Variants in KCNIP1 observed in about 807,000 individuals in gnomAD.
The protein encoded by KCNIP1 is A-type potassium channel modulatory protein KCNIP1.
In KCNIP1, 18 loss-of-function variants were observed where a neutral mutation model predicts 33.0. That is an observed-to-expected ratio of 0.55 (90% CI 0.38 to 0.81). The LOEUF is 0.81. Among genes scored for constraint, KCNIP1 ranks in the 30% least tolerant of loss-of-function variants. The pLI, the probability that KCNIP1 is intolerant of heterozygous loss-of-function variation, is 0.00. For synonymous variants in KCNIP1, 93 were observed against 98.3 expected, an observed-to-expected ratio of 0.95 and a Z score of 0.32; for missense variants, 238 against 271.6, an observed-to-expected ratio of 0.88 and a Z score of 0.87.
At chr5:170,628,356 A>C (rs1270611096) in intron 1 of KCNIP1, among the ~76,000 whole-genome samples, 1 of 152,026 alleles carries the variant, frequency 6.6e-6, no homozygotes, top group Non-Finnish European at 1.5e-5. Context: ...AACAGCCCAC[A>C]CTCACAGTGA....
At chr5:170,426,216 T>C (rs554202841) in intron 1 of KCNIP1, among the ~76,000 whole-genome samples, 74 of 150,140 alleles carry the variant, frequency 4.9e-4, no homozygotes, top group African/African-American at 1.8e-3. Flanking sequence ...CTTGGGAAAA[T>C]GTTTGCTAAT....
intron 1 of KCNIP1, among the ~76,000 whole-genome samples, chr5:170,480,740 G>A (rs576780584): frequency 2.0e-5 from 3 of 152,022 alleles, no homozygotes; most frequent in Non-Finnish European, 4.4e-5. Context: ...CACTGCACCC[G>A]GCCAAGACGA....
chr5:170,484,133 A>C (rs973933463), intron 1 of KCNIP1: 1 of 152,420 alleles, frequency 6.6e-6, no homozygotes, highest in African/African-American at 2.4e-5. Context: ...CCCGACCCCC[A>C]CAGGATAGAA....
At chr5:170,636,646 T>A (rs1216867452) in intron 1 of KCNIP1, among the ~76,000 whole-genome samples, 1 of 152,096 alleles carries the variant, frequency 6.6e-6, no homozygotes, top group Non-Finnish European at 1.5e-5. Context: ...AGGAGAGGGA[T>A]GGACCCAAGA....
chr5:170,632,536 G>C (rs778126787), intron 1 of KCNIP1, among the ~76,000 whole-genome samples: 43 of 152,236 alleles, frequency 2.8e-4, no homozygotes, highest in Non-Finnish European at 4.6e-4. Flanking sequence ...CGGCTCTGCT[G>C]CGTGGCCCTG....
intron 1 of KCNIP1, among the ~76,000 whole-genome samples, chr5:170,644,566 C>T (rs1194312861): frequency 6.6e-6 from 1 of 152,176 alleles, no homozygotes; most frequent in African/African-American, 2.4e-5. Flanking sequence ...ACCAAGTAAG[C>T]TCAAGACAAA....
intron 1 of KCNIP1, among the ~76,000 whole-genome samples, chr5:170,681,764 C>A (rs1009019489): frequency 1.3e-5 from 2 of 152,172 alleles, no homozygotes; most frequent in African/African-American, 4.8e-5. Context: ...GTTATAAATC[C>A]AGGTTAACCC....
chr5:170,414,314 T>G (rs183462376), intron 1 of KCNIP1, among the ~76,000 whole-genome samples: 202 of 152,346 alleles, frequency 1.3e-3, no homozygotes, highest in African/African-American at 4.4e-3. Context: ...TTACATATTT[T>G]AAGGTCAGCC....
intron 1 of KCNIP1, among the ~76,000 whole-genome samples, chr5:170,482,420 T>C (rs566925820): frequency 7.2e-5 from 11 of 152,326 alleles, no homozygotes; most frequent in Non-Finnish European, 1.3e-4. Context: ...CCAGGCACAG[T>C]ACGGGGCCTT....
At position 170,479,641 on chromosome 5, in the gene KCNIP1, G is replaced by T. The variant is rs11949984; in HGVS notation, c.88+125677G>T. On this transcript the variant is annotated intron_variant, in intron 1 of 7. Transcript: ENST00000377360. ...AAGGAAAAATGTATCTGTCCCTTCT[G>T]CTTTTACTACAGTTCCATAAGGGTA... Among the ~76,000 whole-genome samples, 1,389 of 152,168 alleles carry T rather than the reference G, an allele frequency of 9.1e-3. 25 individuals carry two copies. The highest frequency in any genetic ancestry group is 0.031 in the African/African-American group (1,293 of 41,462).
At chr5:170,711,205 T>C (rs1052361567) in intron 1 of KCNIP1, among the ~76,000 whole-genome samples, 2 of 152,202 alleles carry the variant, frequency 1.3e-5, no homozygotes, top group Non-Finnish European at 2.9e-5. Context: ...TCTCAGTTCC[T>C]ACCACTCTCT....
rs112076641 is a variant in KCNIP1 at position 170,677,839 on chromosome 5, G to A, written c.62-40919G>A. Among the ~76,000 whole-genome samples the A allele has an allele frequency of 8.4e-3, 1,282 of 152,122 alleles. 22 individuals are homozygous for A. Among genetic ancestry groups the A allele is most frequent in the East Asian group, 0.074 (384 of 5,180 alleles). ...AATGGACCTAAGGGGAAAAAAAAATGCCTGTCAGTATTGATAAGGAATTGA... is the reference window on the plus strand; with the variant it reads ...AATGGACCTAAGGGGAAAAAAAAATACCTGTCAGTATTGATAAGGAATTGA... On this transcript the variant is annotated intron_variant, in intron 1 of 7. Coordinates refer to ENST00000328939, the MANE Select transcript of KCNIP1 (RefSeq NM_014592.4).
At chr5:170,581,004 C>T (rs941359905) in intron 1 of KCNIP1, among the ~76,000 whole-genome samples, 1 of 152,166 alleles carries the variant, frequency 6.6e-6, no homozygotes, top group African/African-American at 2.4e-5. Context: ...GCACTTCTGA[C>T]CCCAAGTATA....
chr5:170,450,680 C>T (rs1413635431), intron 1 of KCNIP1, among the ~76,000 whole-genome samples: 1 of 152,146 alleles, frequency 6.6e-6, no homozygotes, highest in Admixed American at 6.5e-5. Flanking sequence ...CCCAGTTGCT[C>T]CGACCACCTC....
chr5:170,713,452 C>G (rs1763529228), intron 1 of KCNIP1, among the ~76,000 whole-genome samples: 1 of 152,104 alleles, frequency 6.6e-6, no homozygotes, highest in African/African-American at 2.4e-5. Flanking sequence ...TTCTGTGAGC[C>G]AGGGGTGAAC....
intron 1 of KCNIP1, among the ~76,000 whole-genome samples, chr5:170,442,305 G>C (rs557292108): frequency 2.0e-5 from 3 of 152,140 alleles, no homozygotes; most frequent in Non-Finnish European, 4.4e-5. Flanking sequence ...AGAGGTCATC[G>C]GGGCCAGATC....
In KCNIP1 at chr5:170,504,685, C is replaced by A; in HGVS notation, c.61+52C>A. ...CCTGTCTGGGCTTGGGGGTGCTAGG[C>A]GCCGAGGTGGGCTGTGCCACCTGCC... is the stretch of plus-strand genomic sequence containing the variant. On this transcript the variant is annotated intron_variant, in intron 1 of 7. Coordinates refer to ENST00000328939, the MANE Select transcript of KCNIP1 (RefSeq NM_014592.4). The surrounding 1 kb of genome is among the most constrained non-coding windows in gnomAD (Gnocchi z 6.0). 3 of 1,511,210 alleles carry A rather than the reference C, an allele frequency of 2.0e-6. No individual in the cohort carries two copies. Among genetic ancestry groups the A allele is most frequent in the Middle Eastern group, 3.4e-4 (2 of 5,864 alleles). The allele number at this position is 1,511,210 out of a possible 1,614,324, so 93.6% of individuals were successfully genotyped here.
chr5:170,390,661 A>G (rs557282433), intron 1 of KCNIP1, among the ~76,000 whole-genome samples: 1 of 151,758 alleles, frequency 6.6e-6, no homozygotes, highest in East Asian at 1.9e-4. Flanking sequence ...CCTGAAACTG[A>G]GACTTGGAGG....
chr5:170,673,561 C>T (rs1762005228), intron 1 of KCNIP1, among the ~76,000 whole-genome samples: 1 of 152,218 alleles, frequency 6.6e-6, no homozygotes, highest in South Asian at 2.1e-4. Context: ...AGTATCTGTT[C>T]TAGCTGGTTT....
Sources: allele counts gnomAD v4.1 joint callset (sites outside exome capture counted in the v4.1 genomes callset), GRCh38; gene constraint gnomAD v4.1.1; non-coding constraint Gnocchi (gnomAD v3.1); transcripts MANE v1.5; gene names NCBI Gene and HGNC (gene_info 2026-07-23, HGNC 2026-07-21).